Variants in GFPT1 observed in about 807,000 individuals in gnomAD.
GFPT1 encodes glutamine--fructose-6-phosphate aminotransferase [isomerizing] 1.
In GFPT1, 40 loss-of-function variants were observed where a neutral mutation model predicts 92.0. The observed-to-expected ratio is 0.43, with a 90% CI of 0.34 to 0.57. GFPT1 has a LOEUF of 0.57. Ranked by LOEUF, GFPT1 falls within the 20% of genes least tolerant of loss-of-function variation. GFPT1 has a pLI of 0.02. For missense variants in GFPT1, 448 were observed against 869.1 expected (o/e 0.52, Z 6.09); for synonymous variants, 269 against 280.6 (o/e 0.96, Z 0.41).
chr2:69,326,125 T>C lies in GFPT1; in HGVS notation c.*64A>G, dbSNP rs866221798. On this transcript the variant is annotated 3_prime_UTR_variant, in exon 20 of 20. Coordinates refer to ENST00000357308, the MANE Select transcript of GFPT1 (RefSeq NM_001244710.2). ...GGGGTGATATTTTAAATCAAGGTTT[T>C]AAATACAAAAGGTGTCTTGTGTTGC... 8 of 1,070,592 alleles carry C rather than the reference T, an allele frequency of 7.5e-6. No individual in the cohort carries two copies. The highest frequency in any genetic ancestry group is 2.3e-4 in the Middle Eastern group (1 of 4,402). 66.3% of individuals were successfully genotyped at this position (1,070,592 alleles called of 1,614,324 possible). A position where few individuals can be genotyped will look rare whatever the true frequency, so the allele number is the denominator to read the frequency against.
At chr2:69,351,599 C>T (rs1671208802) in intron 9 of GFPT1, among the ~76,000 whole-genome samples, 1 of 152,124 alleles carries the variant, frequency 6.6e-6, no homozygotes, top group African/African-American at 2.4e-5. Flanking sequence ...ACCACATAAA[C>T]ATATAATTAT....
Position 69,326,243 on chromosome 2 carries a change from G to GAAAAAAAAAAAAAA in GFPT1, c.2056-11_2056-10insTTTTTTTTTTTTTT. 1 of 1,346,802 alleles carries GAAAAAAAAAAAAAA rather than the reference G, an allele frequency of 7.4e-7. No individual in the cohort carries two copies. The highest frequency in any genetic ancestry group is 1.0e-6 in the Non-Finnish European group (1 of 974,836). 83.4% of individuals were successfully genotyped at this position (1,346,802 alleles called of 1,614,324 possible). A position where few individuals can be genotyped will look rare whatever the true frequency, so the allele number is the denominator to read the frequency against. On this transcript the variant is annotated splice_polypyrimidine_tract_variant and intron_variant, in intron 19 of 19. Transcript: ENST00000357308. The stretch of plus-strand genomic sequence containing the variant: ...TCCGTGGGAAATCAACCTGCAAAAA[G>GAAAAAAAAAAAAAA]AAAAAAAAAAAAAGCAAGATTTGAG...
chr2:69,377,781 C>A (rs1032295001), intron 1 of GFPT1, among the ~76,000 whole-genome samples: 1 of 152,210 alleles, frequency 6.6e-6, no homozygotes, highest in African/African-American at 2.4e-5. Flanking sequence ...AGTTTCATAG[C>A]CCTGTCCCTT....
At chr2:69,370,299 T>A (rs1671715283) in intron 2 of GFPT1, among the ~76,000 whole-genome samples, 191 bp from the exon 3 acceptor site, 1 of 152,104 alleles carries the variant, frequency 6.6e-6, no homozygotes, top group Non-Finnish European at 1.5e-5. Context: ...AAAACAAAAA[T>A]AACTCCATTC....
At chr2:69,345,865 A>G (rs755113139) in intron 12 of GFPT1, 39 bp downstream of exon 12, 1 of 1,118,648 alleles carries the variant, frequency 8.9e-7, no homozygotes, top group Admixed American at 1.7e-5. Flanking sequence ...TCCTACTGTC[A>G]GAGACACTGA....
intron 9 of GFPT1, among the ~76,000 whole-genome samples, chr2:69,350,676 G>C (rs1671183768): frequency 6.6e-6 from 1 of 152,130 alleles, no homozygotes; most frequent in Non-Finnish European, 1.5e-5. Flanking sequence ...GCCGAGGCAG[G>C]TGAATCACTT....
intron 15 of GFPT1, among the ~76,000 whole-genome samples, chr2:69,331,725 A>G (rs1007495028): frequency 4.2e-5 from 6 of 142,516 alleles, no homozygotes; most frequent in African/African-American, 1.6e-4. Context: ...TTCTGAATAT[A>G]ATTTTATGGT....
intron 19 of GFPT1, 37 bp from the exon 20 acceptor site, chr2:69,326,270 G>C: frequency 1.4e-6 from 2 of 1,450,390 alleles, no homozygotes; most frequent in Non-Finnish European, 1.9e-6. Context: ...AGATTTGAGA[G>C]ATTATATAGA....
rs1402579579 is a variant in GFPT1 at position 69,321,218 on chromosome 2, C to A, written c.*4971G>T. 1 of 152,168 alleles carries A rather than the reference C, an allele frequency of 6.6e-6. No individual in the cohort carries two copies. Among genetic ancestry groups the A allele is most frequent in the African/African-American group, 2.4e-5 (1 of 41,442 alleles). 9.4% of individuals were successfully genotyped at this position (152,168 alleles called of 1,614,324 possible). A position where few individuals can be genotyped will look rare whatever the true frequency, so the allele number is the denominator to read the frequency against. The stretch of plus-strand genomic sequence containing the variant: ...ACTTCCTATAAACAATATGTTATTG[C>A]AAAATGTTTTAAAAGATGTGAGAAA... On this transcript the variant is annotated 3_prime_UTR_variant, in exon 20 of 20. Transcript: ENST00000357308.
In GFPT1 at chr2:69,354,267, C is replaced by G; in HGVS notation, c.731G>C (p.Gly244Ala). The change falls in exon 9 of 20, where the codon GGA (glycine) becomes GCA (alanine). Residue 244 changes from glycine (G) to alanine (A), a missense_variant. Transcript: ENST00000357308. ...GSKFTRWGSQGERGKDKKGSC... is the reference protein window; with the variant it reads ...GSKFTRWGSQAERGKDKKGSC... The stretch of plus-strand genomic sequence containing the variant: ...CAGAGTGCATTTCCCACCTCTTTCT[C>G]CCTGTGATCCCCACCGTGTGAATTT... 2 of 1,589,080 alleles carry G rather than the reference C, an allele frequency of 1.3e-6. No homozygotes were observed. The highest frequency in any genetic ancestry group is 1.7e-6 in the Non-Finnish European group (2 of 1,173,864).
intron 9 of GFPT1, among the ~76,000 whole-genome samples, chr2:69,352,970 C>T (rs1256624548): frequency 2.6e-5 from 4 of 151,972 alleles, no homozygotes; most frequent in Non-Finnish European, 5.9e-5. Context: ...CGCTTGAACC[C>T]GGGAGGCAGA....
chr2:69,374,182 G>C (rs1671817065), intron 1 of GFPT1, 69 bp from the exon 2 acceptor site: 1 of 783,140 alleles, frequency 1.3e-6, no homozygotes, highest in African/African-American at 1.7e-5. Flanking sequence ...ATTATGTCAA[G>C]TATGTGAAAA....
chr2:69,328,607 A>G (rs1445571506), intron 17 of GFPT1, among the ~76,000 whole-genome samples, 169 bp from the exon 18 acceptor site: 2 of 151,982 alleles, frequency 1.3e-5, no homozygotes, highest in Admixed American at 6.6e-5. Flanking sequence ...CACTATTTCT[A>G]TATTATCAAC....
At chr2:69,364,187 A>T (rs1169343572) in intron 3 of GFPT1, among the ~76,000 whole-genome samples, 1 of 152,126 alleles carries the variant, frequency 6.6e-6, no homozygotes, top group Non-Finnish European at 1.5e-5. Flanking sequence ...CAGTAAGTTT[A>T]CACACCTACT....
intron 9 of GFPT1, among the ~76,000 whole-genome samples, chr2:69,352,686 G>GT (rs1401003719): frequency 2.7e-5 from 4 of 147,516 alleles, no homozygotes; most frequent in African/African-American, 5.0e-5. Context: ...GTTTCACTGT[G>GT]TTTTTTCTCC....
In GFPT1 at chr2:69,346,006, T is replaced by C. The variant is rs1360503829; in HGVS notation, c.1010-7A>G. The C allele has an allele frequency of 6.7e-7, 1 of 1,493,458 alleles. No individual in the cohort carries two copies. The highest frequency in any genetic ancestry group is 1.1e-5 in the South Asian group (1 of 88,564). The allele number at this position is 1,493,458 out of a possible 1,614,324, so 92.5% of individuals were successfully genotyped here. On this transcript the variant is annotated splice_polypyrimidine_tract_variant and splice_region_variant and intron_variant, in intron 11 of 19. Transcript: ENST00000357308. Reference sequence around the variant, plus strand: ...ATAAATGAACTGAAGTTGCCTATAGTAATAGAAATCACATAATTAAAACAA... The same window carrying C: ...ATAAATGAACTGAAGTTGCCTATAGCAATAGAAATCACATAATTAAAACAA...
intron 4 of GFPT1, among the ~76,000 whole-genome samples, chr2:69,363,037 G>C (rs1000032786): frequency 1.3e-5 from 2 of 151,892 alleles, no homozygotes; most frequent in Non-Finnish European, 2.9e-5. Context: ...CTTGAGGTCA[G>C]GAGTTCAAGA....
chr2:69,353,938 C>T (rs1671272827), intron 9 of GFPT1, among the ~76,000 whole-genome samples: 1 of 152,138 alleles, frequency 6.6e-6, no homozygotes, highest in African/African-American at 2.4e-5. Context: ...TCTATAATAA[C>T]CTAGCACACA....
At chr2:69,332,800 G>C (rs544741169) in intron 15 of GFPT1, among the ~76,000 whole-genome samples, 4 of 151,976 alleles carry the variant, frequency 2.6e-5, no homozygotes, top group Admixed American at 6.6e-5. Flanking sequence ...GTGTGCGCGC[G>C]CGGATTATAT....
Sources: gnomAD v4.1 joint callset for allele counts (sites outside exome capture counted in the v4.1 genomes callset) on GRCh38, gnomAD v4.1.1 for gene constraint, MANE v1.5 for transcripts, NCBI Gene and HGNC (gene_info 2026-07-23, HGNC 2026-07-21) for gene names.